Variants in HMCN2 observed in about 807,000 individuals in gnomAD.
The protein encoded by HMCN2 is hemicentin 2.
Under a neutral mutation model 377.5 loss-of-function variants are expected in HMCN2, and 325 were observed. The observed-to-expected ratio is 0.86, with a 90% CI of 0.79 to 0.94. The LOEUF (loss-of-function observed/expected upper bound fraction) is 0.94. Ranked by LOEUF, HMCN2 falls within the 40% of genes least tolerant of loss-of-function variation. The pLI is 0.00. For missense variants in HMCN2, 4,543 were observed against 4,725.3 expected (o/e 0.96, Z 1.13); for synonymous variants, 2,007 against 2,046.8 (o/e 0.98, Z 0.53).
Position 130,360,820 on chromosome 9 carries a change from TCCATCCAC to T in HMCN2, c.5950+225_5950+232del, listed in dbSNP as rs1171672394. Among the ~76,000 whole-genome samples, 1 of 144,998 alleles carries T rather than the reference TCCATCCAC, an allele frequency of 6.9e-6. No homozygotes were observed. Among genetic ancestry groups the T allele is most frequent in the Admixed American group, 6.8e-5 (1 of 14,650 alleles). ...ATCCATCCACCCATCCACCCCTCCA[TCCATCCAC>T]CCATCCACTCATCCACCTATCCACC... On this transcript the variant is annotated intron_variant, in intron 38 of 97. Transcript: ENST00000683500. This position sits in a 1 kb window ranked among gnomAD's most constrained non-coding sequence, Gnocchi z 4.7.
In HMCN2 at chr9:130,425,884, C is replaced by T. The variant is rs769194215; in HGVS notation, c.13839C>T (p.Ala4613=). The T allele has an allele frequency of 2.6e-5, 41 of 1,549,754 alleles. No individual in the cohort carries two copies. The African/African-American group carries it at 2.9e-4, about 11-fold the overall frequency. The change falls in exon 90 of 98, where the codon GCC becomes GCT. Residue 4613 remains alanine (A), a synonymous_variant. Coordinates refer to ENST00000683500, the MANE Select transcript of HMCN2 (RefSeq NM_001291815.2). ...TCAGCTCGGCCTTTGATCCAGAGGC[C>T]GAGGCCCTGCGCTTCCAGCTCGCTA... is the stretch of plus-strand genomic sequence containing the variant. ...SAISSAFDPE[A]EALRFQLATA...
intron 66 of HMCN2, among the ~76,000 whole-genome samples, chr9:130,392,813 G>T (rs370366416): frequency 2.0e-5 from 3 of 152,020 alleles, no homozygotes; most frequent in Admixed American, 6.6e-5. Flanking sequence ...TGGCTAACAC[G>T]GTGAAACCCC....
intron 1 of HMCN2, among the ~76,000 whole-genome samples, chr9:130,277,952 TCACCAC>T (rs1236289428): frequency 1.3e-5 from 1 of 79,276 alleles, no homozygotes; most frequent in Non-Finnish European, 2.4e-5. Context: ...ATCATCATCA[TCACCAC>T]CACCACCACC....
intron 85 of HMCN2, among the ~76,000 whole-genome samples, chr9:130,417,822 A>AAC (rs1336522171): frequency 6.6e-6 from 1 of 152,232 alleles, no homozygotes; most frequent in Non-Finnish European, 1.5e-5. Context: ...GCAGGAAGCG[A>AAC]ACACACAGGC....
At chr9:130,317,855 G>A (rs1837646558) in intron 15 of HMCN2, among the ~76,000 whole-genome samples, 2 of 152,024 alleles carry the variant, frequency 1.3e-5, no homozygotes, top group Non-Finnish European at 2.9e-5. Flanking sequence ...TTGGGGCTAA[G>A]GAGGGCAGGG....
Position 130,373,049 on chromosome 9 carries a change from A to G in HMCN2, c.7363A>G (p.Ile2455Val). The change falls in exon 48 of 98, where the codon ATT becomes GTT. Residue 2455 changes from isoleucine to valine, a missense_variant. Transcript: ENST00000683500. ...CCTGCTTCTCCCAGTTCCTCCCAGT[A>G]TTGAGAACGAGGACTTGGAGGAGGT... ...FSVEVLVPPS[I>V]ENEDLEEVIK... 1.1e-6 allele frequency: 1 copy of G among 945,322 alleles called. No homozygotes were observed. The highest frequency in any genetic ancestry group is 1.2e-6 in the Non-Finnish European group (1 of 810,350). 58.6% of individuals were successfully genotyped at this position (945,322 alleles called of 1,614,324 possible). A position where few individuals can be genotyped will look rare whatever the true frequency, so the allele number is the denominator to read the frequency against.
Position 130,428,311 on chromosome 9 carries a change from G to C in HMCN2, c.14066-47G>C. The C allele has an allele frequency of 6.7e-7, 1 of 1,486,472 alleles. No individual in the cohort carries two copies. The allele number at this position is 1,486,472 out of a possible 1,614,324, so 92.1% of individuals were successfully genotyped here. On this transcript the variant is annotated intron_variant, in intron 92 of 97. Transcript: ENST00000683500. This position sits in a 1 kb window ranked among gnomAD's most constrained non-coding sequence, Gnocchi z 5.0. ...GGGCCAGGGTCAGGTGGCGAGGCAC[G>C]CCTGGGGATCATGTTCACACAGCCG...
At chr9:130,398,795 G>A in intron 75 of HMCN2, 88 bp downstream of exon 75, 7 of 1,137,262 alleles carry the variant, frequency 6.2e-6, no homozygotes, top group Non-Finnish European at 8.1e-6. Context: ...CAGGGACGGG[G>A]CGGGGTGTGC....
Position 130,404,854 on chromosome 9 carries a change from T to G in HMCN2, c.12149-15T>G. On this transcript the variant is annotated splice_polypyrimidine_tract_variant and intron_variant, in intron 80 of 97. Coordinates refer to ENST00000683500, the MANE Select transcript of HMCN2 (RefSeq NM_001291815.2). ...CCTGAGCCCCGGTTCCGAGTGGGCC[T>G]CCCTCTGCCCGCAGTCCCACCAGTG... The G allele has an allele frequency of 8.2e-7, 1 of 1,224,480 alleles. No individual in the cohort carries two copies. The highest frequency in any genetic ancestry group is 1.0e-6 in the Non-Finnish European group (1 of 952,854). 75.9% of individuals were successfully genotyped at this position (1,224,480 alleles called of 1,614,324 possible). A position where few individuals can be genotyped will look rare whatever the true frequency, so the allele number is the denominator to read the frequency against.
At position 130,370,963 on chromosome 9, in the gene HMCN2, G is replaced by T; in HGVS notation, c.7070-1G>T. The stretch of plus-strand genomic sequence containing the variant: ...GAATGTGGCTTCTTCTTTGTGTCCA[G>T]TGCCCCCAGAGCTCATTGGAGACTT... On this transcript the variant is annotated splice_acceptor_variant, in intron 45 of 97. Coordinates refer to ENST00000683500, the MANE Select transcript of HMCN2 (RefSeq NM_001291815.2). LOFTEE classifies it high-confidence loss of function. The T allele has an allele frequency of 1.0e-5, 10 of 986,232 alleles. No homozygotes were observed. Among genetic ancestry groups the T allele is most frequent in the Non-Finnish European group, 1.2e-5 (10 of 830,212 alleles). The allele number at this position is 986,232 out of a possible 1,614,324, so 61.1% of individuals were successfully genotyped here. A position where few individuals can be genotyped will look rare whatever the true frequency, so the allele number is the denominator to read the frequency against.
chr9:130,390,735 G>A (rs1011501374), intron 62 of HMCN2, among the ~76,000 whole-genome samples: 2 of 152,062 alleles, frequency 1.3e-5, no homozygotes, highest in African/African-American at 4.8e-5. Context: ...GAGGGGCAGG[G>A]CGGGGAGGGA....
intron 14 of HMCN2, among the ~76,000 whole-genome samples, chr9:130,307,929 G>A (rs1393111155): frequency 6.6e-6 from 1 of 152,066 alleles, no homozygotes; most frequent in Non-Finnish European, 1.5e-5. Flanking sequence ...TGCACATATG[G>A]TTTTATTTTT....
intron 22 of HMCN2, among the ~76,000 whole-genome samples, chr9:130,331,156 T>TAA (rs878935592): frequency 0.23 from 31,878 of 138,966 alleles, 3,585 homozygotes; most frequent in African/African-American, 0.27. Flanking sequence ...GACTCTGTCT[T>TAA]AAAAAAAAAA....
Position 130,431,447 on chromosome 9 carries a change from G to A in HMCN2, c.14728G>A (p.Ala4910Thr), listed in dbSNP as rs746439152. The change falls in exon 96 of 98, where the codon GCC (alanine) becomes ACC (threonine). Residue 4910 changes from alanine to threonine, a missense_variant. By Grantham distance (58) the Ala-to-Thr change is moderately conservative (BLOSUM62 0). Transcript: ENST00000683500. ...TEGSYQCLCP[A>T]GYRLLPSGKN... is the part of the protein sequence containing the mutation. ...GGGCAGCTACCAGTGCCTGTGCCCC[G>A]CCGGCTACCGTCTGCTCCCCAGCGG... 2.5e-5 allele frequency: 39 copies of A among 1,550,072 alleles called. No individual in the cohort carries two copies. Among genetic ancestry groups the A allele is most frequent in the African/African-American group, 2.5e-4 (18 of 73,168 alleles).
intron 19 of HMCN2, among the ~76,000 whole-genome samples, chr9:130,322,209 A>G (rs888710969): frequency 6.6e-6 from 1 of 152,186 alleles, no homozygotes; most frequent in African/African-American, 2.4e-5. Context: ...TATGTGTAGT[A>G]TATATATACA....
chr9:130,384,549 G>A lies in HMCN2; in HGVS notation c.8992+15G>A. The A allele has an allele frequency of 7.7e-7, 1 of 1,304,228 alleles. No individual in the cohort carries two copies. The highest frequency in any genetic ancestry group is 1.0e-6 in the Non-Finnish European group (1 of 988,956). 80.8% of individuals were successfully genotyped at this position (1,304,228 alleles called of 1,614,324 possible). Reference sequence around the variant, plus strand: ...CCTCCTGCCTGGTGGGTAAACTGAGGTGTCCGGCCCAGCTCTAAGGTTACA... The same window carrying A: ...CCTCCTGCCTGGTGGGTAAACTGAGATGTCCGGCCCAGCTCTAAGGTTACA... On this transcript the variant is annotated intron_variant, in intron 58 of 97. Transcript: ENST00000683500.
Position 130,286,224 on chromosome 9 carries a change from AC to A in HMCN2, c.529del (p.His177IlefsTer26), listed in dbSNP as rs1554927624. On this transcript the variant is annotated frameshift_variant, in exon 4 of 98. Coordinates refer to ENST00000683500, the MANE Select transcript of HMCN2 (RefSeq NM_001291815.2). LOFTEE classifies it high-confidence loss of function. ...GCTGACGGGGGACTGTGGCGACCGC[AC>A]CCATCCTGGCTACCTGGCTTATGAG... is the stretch of plus-strand genomic sequence containing the variant. ...FVLTGDCGDR[T>X]HPGYLAYEEI... The A allele has an allele frequency of 2.1e-6, 1 of 470,936 alleles. No homozygotes were observed. The highest frequency in any genetic ancestry group is 1.5e-5 in the South Asian group (1 of 64,548). 29.2% of individuals were successfully genotyped at this position (470,936 alleles called of 1,614,324 possible).
Position 130,422,663 on chromosome 9 carries a change from C to T in HMCN2, c.13318C>T (p.Gln4440Ter). Residue 4440 changes from glutamine (Q) to a stop codon, truncating the protein, a stop_gained, in exon 87 of 98, where the codon CAG becomes TAG. Coordinates refer to ENST00000683500, the MANE Select transcript of HMCN2 (RefSeq NM_001291815.2). LOFTEE classifies it high-confidence loss of function. This position sits in a 1 kb window ranked among gnomAD's most constrained non-coding sequence, Gnocchi z 4.2. ...GVATLNTSVM[Q>*]EAHSGVSSIH... ...GGCCACACTCAACACCAGCGTGATG[C>T]AGGAGGCACACTCCGGGGTCAGCAG... is the stretch of plus-strand genomic sequence containing the variant. 1 of 1,318,974 alleles carries T rather than the reference C, an allele frequency of 7.6e-7. No homozygotes were observed. Among genetic ancestry groups the T allele is most frequent in the South Asian group, 2.3e-5 (1 of 43,994 alleles). The allele number at this position is 1,318,974 out of a possible 1,614,324, so 81.7% of individuals were successfully genotyped here.
Position 130,430,402 on chromosome 9 carries a change from C to A in HMCN2, c.14445C>A (p.Cys4815Ter), listed in dbSNP as rs1441049791. 6 of 1,550,346 alleles carry A rather than the reference C, an allele frequency of 3.9e-6. No homozygotes were observed. Among genetic ancestry groups the A allele is most frequent in the Non-Finnish European group, 2.6e-6 (3 of 1,146,982 alleles). ...GQTLLRDGKA[C>*]TSLERNGQNV... is the part of the protein sequence containing the mutation. Reference sequence around the variant, plus strand: ...CCCTCCTTCGCGACGGCAAGGCCTGCACCTCACTGGAGCGGAATGGACAAA... The same window carrying A: ...CCCTCCTTCGCGACGGCAAGGCCTGAACCTCACTGGAGCGGAATGGACAAA... Residue 4815 changes from cysteine (C) to a stop codon, truncating the protein, a stop_gained, in exon 95 of 98, where the codon TGC becomes TGA. Transcript: ENST00000683500. LOFTEE classifies it high-confidence loss of function.
Sources: gnomAD v4.1 joint callset for allele counts (sites outside exome capture counted in the v4.1 genomes callset) on GRCh38, gnomAD v4.1.1 for gene constraint, Gnocchi (gnomAD v3.1) non-coding constraint, MANE v1.5 for transcripts, NCBI Gene and HGNC (gene_info 2026-07-23, HGNC 2026-07-21) for gene names.